CPEB3: variants seen among roughly 807,000 people sequenced by gnomAD.
The protein encoded by CPEB3 is cytoplasmic polyadenylation element binding protein 3.
CPEB3 carries 20 observed loss-of-function variants against 67.2 expected under a neutral mutation model. The observed-to-expected ratio is 0.30, with a 90% CI of 0.21 to 0.43. The LOEUF is 0.43. CPEB3 is among the 20% of genes least tolerant of loss of function. The probability of loss-of-function intolerance (pLI) is 1.00; values close to 1 mark genes in which losing one functional copy is unlikely to be tolerated. For missense variants in CPEB3, 746 were observed against 968.6 expected (o/e 0.77, Z 3.05); for synonymous variants, 376 against 393.1 (o/e 0.96, Z 0.51).
intron 9 of CPEB3, among the ~76,000 whole-genome samples, chr10:92,071,526 T>A (rs2133134088): frequency 6.6e-6 from 1 of 151,902 alleles, no homozygotes; most frequent in African/African-American, 2.4e-5. Flanking sequence ...GGTCAGGAGT[T>A]CAAAACCAGC....
chr10:92,145,559 C>T (rs1036085859), intron 4 of CPEB3, among the ~76,000 whole-genome samples: 11 of 150,748 alleles, frequency 7.3e-5, no homozygotes, highest in African/African-American at 2.2e-4. Context: ...AACCCGAACC[C>T]GGGAGGTGGA....
At chr10:92,080,843 C>G (rs1843123352) in intron 9 of CPEB3, among the ~76,000 whole-genome samples, 1 of 152,174 alleles carries the variant, frequency 6.6e-6, no homozygotes, top group African/African-American at 2.4e-5. Flanking sequence ...TCATGATCCA[C>G]CCGCCTCGGC....
intron 1 of CPEB3, among the ~76,000 whole-genome samples, chr10:92,256,621 G>A (rs560109731): frequency 6.6e-6 from 1 of 152,142 alleles, no homozygotes; most frequent in East Asian, 1.9e-4. Context: ...TCTTGACCTC[G>A]TGATCCGCCC....
chr10:92,276,176 C>T (rs914070430), intron 1 of CPEB3, among the ~76,000 whole-genome samples: 1 of 151,744 alleles, frequency 6.6e-6, no homozygotes, highest in Non-Finnish European at 1.5e-5. Context: ...TCAAATATTC[C>T]GTTGTATGGA....
intron 6 of CPEB3, among the ~76,000 whole-genome samples, chr10:92,139,655 T>C (rs1846299104): frequency 6.6e-6 from 1 of 152,200 alleles, no homozygotes; most frequent in Non-Finnish European, 1.5e-5. Context: ...TCAACAATAA[T>C]CTACTGTATA....
intron 9 of CPEB3, among the ~76,000 whole-genome samples, chr10:92,053,415 G>A (rs1385423724): frequency 6.6e-6 from 1 of 151,936 alleles, no homozygotes; most frequent in Non-Finnish European, 1.5e-5. Context: ...CCAGGCTGGA[G>A]TGCAGTGGTG....
intron 1 of CPEB3, among the ~76,000 whole-genome samples, chr10:92,247,733 G>A (rs530182469): frequency 2.9e-4 from 44 of 152,088 alleles, no homozygotes; most frequent in African/African-American, 1.0e-3. Context: ...GGCTGGTCTC[G>A]AACTCTTGAC....
intron 3 of CPEB3, among the ~76,000 whole-genome samples, chr10:92,188,934 T>C (rs963731273): frequency 5.3e-5 from 8 of 152,150 alleles, no homozygotes; most frequent in Admixed American, 3.3e-4. Flanking sequence ...ACTGAATACA[T>C]GACCAAAAAA....
intron 2 of CPEB3, among the ~76,000 whole-genome samples, chr10:92,223,659 C>T (rs1469637894): frequency 1.3e-5 from 2 of 150,668 alleles, no homozygotes; most frequent in African/African-American, 2.4e-5. Flanking sequence ...CCGCAACCTC[C>T]GCCTTCTGGG....
chr10:92,185,823 A>T (rs1437705645), intron 3 of CPEB3, among the ~76,000 whole-genome samples: 1 of 152,220 alleles, frequency 6.6e-6, no homozygotes, highest in Admixed American at 6.5e-5. Context: ...AAAGTATCTT[A>T]AAAATGTAAT....
At chr10:92,289,224 A>C (rs1842681012) in intron 1 of CPEB3, among the ~76,000 whole-genome samples, 1 of 152,198 alleles carries the variant, frequency 6.6e-6, no homozygotes, top group Admixed American at 6.5e-5. Flanking sequence ...CCTGAGCAAC[A>C]CAGCGAGACT....
At chr10:92,147,323 A>T (rs2133859879) in intron 4 of CPEB3, among the ~76,000 whole-genome samples, 1 of 152,050 alleles carries the variant, frequency 6.6e-6, no homozygotes. Context: ...GGGCATGGTG[A>T]TGCACATCTG....
chr10:92,135,032 T>C (rs904681602), intron 6 of CPEB3, among the ~76,000 whole-genome samples: 1 of 152,150 alleles, frequency 6.6e-6, no homozygotes, highest in South Asian at 2.1e-4. Context: ...ATTAAAGACT[T>C]AAATGTTAGA....
intron 8 of CPEB3, among the ~76,000 whole-genome samples, chr10:92,090,481 G>A (rs1342694548): frequency 1.3e-5 from 2 of 152,204 alleles, no homozygotes; most frequent in South Asian, 2.1e-4. Flanking sequence ...GGCGGAGGTT[G>A]CAGTGAGCCG....
At chr10:92,186,225 C>CA (rs374713049) in intron 3 of CPEB3, among the ~76,000 whole-genome samples, 29,155 of 113,682 alleles carry the variant, frequency 0.26, 4,110 homozygotes, top group Non-Finnish European at 0.35. Context: ...AAAAAAAATA[C>CA]AAAAAAAAAA....
chr10:92,115,307 C>G (rs1844961614), intron 6 of CPEB3, among the ~76,000 whole-genome samples: 1 of 152,214 alleles, frequency 6.6e-6, no homozygotes, highest in Non-Finnish European at 1.5e-5. Context: ...GCGTGTGACA[C>G]CACACCCGAC....
intron 4 of CPEB3, among the ~76,000 whole-genome samples, chr10:92,156,115 AG>A (rs1376884072): frequency 6.6e-6 from 1 of 152,194 alleles, no homozygotes; most frequent in Non-Finnish European, 1.5e-5. Flanking sequence ...ATGAAGAATC[AG>A]GGCATACAGA....
At chr10:92,165,422 G>C (rs1482706682) in intron 4 of CPEB3, among the ~76,000 whole-genome samples, 5 of 20,280 alleles carry the variant, frequency 2.5e-4, no homozygotes, top group African/African-American at 9.4e-4. Context: ...TTTTTTTTTT[G>C]GCTGGTGGAA....
At chr10:92,225,043 C>T (rs1311185127) in intron 2 of CPEB3, among the ~76,000 whole-genome samples, 1 of 150,626 alleles carries the variant, frequency 6.6e-6, no homozygotes, top group Admixed American at 6.6e-5. Flanking sequence ...GATGCAATCT[C>T]GGCTCACTGC....
Sources: gnomAD v4.1 joint callset for allele counts (sites outside exome capture counted in the v4.1 genomes callset) on GRCh38, gnomAD v4.1.1 for gene constraint, MANE v1.5 for transcripts, NCBI Gene and HGNC (gene_info 2026-07-23, HGNC 2026-07-21) for gene names.